The following DCC variants were observed in gnomAD, a reference collection of about 807,000 sequenced individuals.
DCC encodes netrin receptor DCC.
DCC carries 58 observed loss-of-function variants against 172.5 expected under a neutral mutation model. The ratio of observed to expected loss-of-function variants is 0.34; its 90% CI spans 0.27 to 0.42. DCC has a LOEUF of 0.42. DCC is among the 10% of genes least tolerant of loss of function. The probability of loss-of-function intolerance (pLI) is 1.00; values close to 1 mark genes in which losing one functional copy is unlikely to be tolerated. For missense variants in DCC, 1,740 were observed against 1,791.0 expected, an observed-to-expected ratio of 0.97 and a Z score of 0.51; for synonymous variants, 709 against 644.5, an observed-to-expected ratio of 1.10 and a Z score of -1.52.
intron 19 of DCC, among the ~76,000 whole-genome samples, chr18:53,405,565 T>G (rs1273616333): frequency 1.3e-5 from 2 of 152,150 alleles, no homozygotes; most frequent in Non-Finnish European, 2.9e-5. Context: ...TAATGTGCTT[T>G]ATACAGAATC....
intron 1 of DCC, among the ~76,000 whole-genome samples, chr18:52,717,293 C>T (rs7234380): frequency 0.048 from 7,300 of 152,082 alleles, 574 homozygotes; most frequent in African/African-American, 0.17. Context: ...GTCATATAAC[C>T]TTTAAAACAG....
At chr18:52,995,153 A>AT (rs1283149883) in intron 5 of DCC, among the ~76,000 whole-genome samples, 3 of 152,140 alleles carry the variant, frequency 2.0e-5, no homozygotes, top group Non-Finnish European at 4.4e-5. Flanking sequence ...CTTTCAAAAG[A>AT]TTTAAGAAAA....
At chr18:53,366,217 C>G (rs1315312805) in intron 15 of DCC, among the ~76,000 whole-genome samples, 2 of 152,026 alleles carry the variant, frequency 1.3e-5, no homozygotes, top group South Asian at 2.1e-4. Context: ...CCACCATGAC[C>G]AGCTAATTTT....
At chr18:52,737,166 G>C (rs543819049) in intron 1 of DCC, among the ~76,000 whole-genome samples, 44 of 152,028 alleles carry the variant, frequency 2.9e-4, no homozygotes, top group African/African-American at 8.4e-4. Flanking sequence ...TTTTATATTA[G>C]AGACGACGTG....
chr18:53,345,729 T>A, intron 15 of DCC, among the ~76,000 whole-genome samples: 1 of 152,036 alleles, frequency 6.6e-6, no homozygotes, highest in East Asian at 1.9e-4. Context: ...CTGAAGGATA[T>A]TTTCACTGGA....
intron 12 of DCC, among the ~76,000 whole-genome samples, chr18:53,290,641 TAAAA>T (rs556889656): frequency 1.4e-5 from 2 of 148,040 alleles, no homozygotes; most frequent in Non-Finnish European, 1.5e-5. Context: ...TGTGGTTTCA[TAAAA>T]AAAAAACTGT....
intron 7 of DCC, among the ~76,000 whole-genome samples, chr18:53,100,771 A>C (rs2144216582): frequency 6.6e-6 from 1 of 152,194 alleles, no homozygotes; most frequent in Admixed American, 6.5e-5. Context: ...GCACTCATAT[A>C]TCTTGTGTAG....
chr18:52,640,556 T>C (rs367929675), intron 1 of DCC, among the ~76,000 whole-genome samples: 9 of 151,946 alleles, frequency 5.9e-5, no homozygotes, highest in Admixed American at 2.0e-4. Context: ...AGCTCTTCTA[T>C]ATACCAACAG....
chr18:52,665,961 C>T (rs1245296258), intron 1 of DCC, among the ~76,000 whole-genome samples: 6 of 152,110 alleles, frequency 3.9e-5, no homozygotes, highest in Non-Finnish European at 7.4e-5. Flanking sequence ...ATATCAAATT[C>T]TCTAATATGA....
intron 7 of DCC, among the ~76,000 whole-genome samples, chr18:53,094,338 T>C (rs4459619): frequency 0.42 from 64,233 of 152,074 alleles, 14,476 homozygotes; most frequent in Non-Finnish European, 0.48. Flanking sequence ...TTCTCATTCC[T>C]CTTCTGAAGG....
chr18:53,098,326 G>A (rs924657798), intron 7 of DCC, among the ~76,000 whole-genome samples: 2 of 151,998 alleles, frequency 1.3e-5, no homozygotes, highest in African/African-American at 2.4e-5. Context: ...AGATTTTGCC[G>A]ATTATCCCAA....
chr18:52,391,176 T>C (rs1986017222), intron 1 of DCC, among the ~76,000 whole-genome samples: 1 of 152,114 alleles, frequency 6.6e-6, no homozygotes, highest in Non-Finnish European at 1.5e-5. Context: ...ATCCCCAAGC[T>C]ACAATAGTTT....
intron 1 of DCC, among the ~76,000 whole-genome samples, chr18:52,598,261 A>G (rs1726858851): frequency 6.6e-6 from 1 of 152,244 alleles, no homozygotes; most frequent in African/African-American, 2.4e-5. Context: ...GGTTAAGAGA[A>G]TAAATAAGAG....
chr18:52,391,381 C>G (rs546995287), intron 1 of DCC, among the ~76,000 whole-genome samples: 1 of 152,014 alleles, frequency 6.6e-6, no homozygotes, highest in African/African-American at 2.4e-5. Context: ...AAGAGAGATC[C>G]AATTTTATTT....
intron 21 of DCC, among the ~76,000 whole-genome samples, chr18:53,419,121 T>G (rs950861454): frequency 1.3e-5 from 2 of 152,126 alleles, no homozygotes; most frequent in African/African-American, 4.8e-5. Flanking sequence ...GGTGCAGAGG[T>G]TAGATAGAAA....
intron 2 of DCC, among the ~76,000 whole-genome samples, chr18:52,772,425 A>T (rs2037360306): frequency 6.6e-6 from 1 of 152,178 alleles, no homozygotes; most frequent in Non-Finnish European, 1.5e-5. Context: ...TGATGTGATG[A>T]TTTGTATTAG....
In DCC at chr18:53,325,707, G is replaced by C. The variant is rs530247868; in HGVS notation, c.2164+3550G>C. On this transcript the variant is annotated intron_variant, in intron 14 of 28. Transcript: ENST00000442544. ...TTTTCTATGCTCTTGGCTTAATAAT[G>C]GCCCTCTTGTACATGCAACATTCCT... Among the ~76,000 whole-genome samples the C allele has an allele frequency of 7.9e-4, 120 of 152,200 alleles. 1 individual carries two copies. Among genetic ancestry groups the C allele is most frequent in the Non-Finnish European group, 1.1e-3 (74 of 68,018 alleles).
intron 1 of DCC, among the ~76,000 whole-genome samples, chr18:52,405,641 AC>A (rs1986617874): frequency 6.6e-6 from 1 of 151,084 alleles, no homozygotes; most frequent in South Asian, 2.1e-4. Flanking sequence ...TTCAAGGAGA[AC>A]TACAAACCAC....
chr18:53,304,601 C>A (rs2057178278), intron 12 of DCC, among the ~76,000 whole-genome samples: 1 of 152,118 alleles, frequency 6.6e-6, no homozygotes, highest in Non-Finnish European at 1.5e-5. Flanking sequence ...AAGCTACCAA[C>A]ACCTCCAAGG....
Sources: allele counts gnomAD v4.1 joint callset (sites outside exome capture counted in the v4.1 genomes callset), GRCh38; gene constraint gnomAD v4.1.1; transcripts MANE v1.5; gene names NCBI Gene and HGNC (gene_info 2026-07-23, HGNC 2026-07-21).